The following TBC1D1 variants were observed in gnomAD, a reference collection of about 807,000 sequenced individuals.
The protein encoded by TBC1D1 is TBC1 domain family member 1.
A neutral mutation model predicts 125.6 loss-of-function variants in TBC1D1; 89 were observed. That is an observed-to-expected ratio of 0.71 (90% confidence interval 0.60 to 0.85). The LOEUF (loss-of-function observed/expected upper bound fraction) is 0.85, where lower values mean the gene tolerates loss of function less well. TBC1D1 is among the 40% of genes least tolerant of loss of function. TBC1D1 has a pLI of 0.00. For missense variants in TBC1D1, 1,377 were observed against 1,469.2 expected (o/e 0.94, Z 1.03); for synonymous variants, 565 against 564.1 (o/e 1.00, Z -0.02).
intron 2 of TBC1D1, among the ~76,000 whole-genome samples, chr4:37,929,012 T>C (rs1416849569): frequency 6.6e-6 from 1 of 152,262 alleles, no homozygotes; most frequent in Non-Finnish European, 1.5e-5. Flanking sequence ...GGACTGTTAG[T>C]CTGAGCTAGC....
intron 12 of TBC1D1, among the ~76,000 whole-genome samples, chr4:38,071,693 C>T (rs895765552): frequency 6.6e-6 from 1 of 152,186 alleles, no homozygotes; most frequent in Non-Finnish European, 1.5e-5. Flanking sequence ...CTCTGTAGTC[C>T]TTGGCACACT....
rs1044000975 is a variant in TBC1D1, at chr4:37,964,867, GC to G, written c.418-49640del. Among the ~76,000 whole-genome samples, 17 of 152,294 alleles carry G rather than the reference GC, an allele frequency of 1.1e-4. 3 individuals are homozygous for G. The highest frequency in any genetic ancestry group is 4.1e-4 in the African/African-American group (17 of 41,550). The stretch of plus-strand genomic sequence containing the variant: ...CTCTGTCCCCAGCCTCATGAAAAAG[GC>G]CAAGCTCCTTCCCTGACAGAGCCTG... On this transcript the variant is annotated intron_variant, in intron 2 of 19. Transcript: ENST00000261439.
At chr4:37,897,134 G>A (rs1714814979) in intron 1 of TBC1D1, among the ~76,000 whole-genome samples, 1 of 152,116 alleles carries the variant, frequency 6.6e-6, no homozygotes, top group African/African-American at 2.4e-5. Context: ...CTTAAAGAAT[G>A]GTCAAAGGTT....
chr4:37,892,099 G>A (rs1039291453), intron 1 of TBC1D1, among the ~76,000 whole-genome samples: 1 of 152,080 alleles, frequency 6.6e-6, no homozygotes, highest in Non-Finnish European at 1.5e-5. Flanking sequence ...CATATTAATG[G>A]ATATGTTTTC....
At chr4:38,053,974 C>G (rs1751203273) in intron 11 of TBC1D1, among the ~76,000 whole-genome samples, 1 of 152,226 alleles carries the variant, frequency 6.6e-6, no homozygotes, top group Non-Finnish European at 1.5e-5. Context: ...CAATCGAAAT[C>G]ACTTAAGGGC....
rs1489862644 is a variant in TBC1D1 at position 37,900,129 on chromosome 4, A to C, written c.-93-1874A>C. Among the ~76,000 whole-genome samples, 3 of 142,248 alleles carry C rather than the reference A, an allele frequency of 2.1e-5. No homozygotes were observed. The East Asian group carries it at 6.2e-4, about 29-fold the overall frequency. 93.3% of individuals were successfully genotyped at this position (142,248 alleles called of 152,430 possible). A position where few individuals can be genotyped will look rare whatever the true frequency, so the allele number is the denominator to read the frequency against. On this transcript the variant is annotated intron_variant, in intron 1 of 19. Coordinates refer to ENST00000261439, the MANE Select transcript of TBC1D1 (RefSeq NM_015173.4). ...GAGCGAGGAGCCGTCTCAAAAAAAA[A>C]AGAAAAAAAAAAAAAAGTAAGGAAG... is the stretch of plus-strand genomic sequence containing the variant.
intron 17 of TBC1D1, chr4:38,120,236 G>A (rs1327374187): frequency 1.7e-5 from 9 of 544,464 alleles, no homozygotes; most frequent in Non-Finnish European, 2.1e-5. Context: ...TAAGTGGGTC[G>A]TTGTCCAGCT....
intron 19 of TBC1D1, among the ~76,000 whole-genome samples, chr4:38,135,704 GACAAACTAA>G (rs1207470270): frequency 6.6e-6 from 1 of 152,156 alleles, no homozygotes; most frequent in Admixed American, 6.5e-5. Context: ...CCAGTAGGCT[GACAAACTAA>G]GGCTCTTGGT....
At chr4:37,975,641 C>T (rs1236707537) in intron 2 of TBC1D1, among the ~76,000 whole-genome samples, 1 of 152,208 alleles carries the variant, frequency 6.6e-6, no homozygotes, top group Non-Finnish European at 1.5e-5. Context: ...ACCAAGGAGC[C>T]CTCCTGGTGG....
intron 2 of TBC1D1, among the ~76,000 whole-genome samples, chr4:37,961,401 T>C (rs1026141330): frequency 1.1e-4 from 16 of 152,148 alleles, no homozygotes; most frequent in Admixed American, 3.3e-4. Context: ...GAGAATTTTG[T>C]GGAATGCTAA....
intron 17 of TBC1D1, among the ~76,000 whole-genome samples, chr4:38,121,624 A>G (rs1002229964): frequency 6.6e-6 from 1 of 152,210 alleles, no homozygotes; most frequent in Non-Finnish European, 1.5e-5. Context: ...CGGCTCCAAC[A>G]GTTCACTGTC....
At chr4:38,003,975 A>G (rs1460670337) in intron 2 of TBC1D1, among the ~76,000 whole-genome samples, 1 of 152,062 alleles carries the variant, frequency 6.6e-6, no homozygotes, top group Non-Finnish European at 1.5e-5. Context: ...CTAAACTTTC[A>G]TATTTAATTT....
At chr4:37,961,136 A>C in intron 2 of TBC1D1, 1 of 1,333,866 alleles carries the variant, frequency 7.5e-7, no homozygotes, top group Non-Finnish European at 1.0e-6. Flanking sequence ...AAAGTGGGTC[A>C]TATTCCTCTT....
chr4:38,081,764 T>C (rs1438905062), intron 12 of TBC1D1, among the ~76,000 whole-genome samples: 3 of 152,186 alleles, frequency 2.0e-5, no homozygotes, highest in Non-Finnish European at 4.4e-5. Context: ...CGGTGATTTA[T>C]GAATGAGGAA....
At chr4:38,089,787 C>G in intron 12 of TBC1D1, 145 bp from the exon 15 acceptor site, 3 of 816,896 alleles carry the variant, frequency 3.7e-6, no homozygotes, top group Non-Finnish European at 5.4e-6. Context: ...TGGCTTATGC[C>G]AATGCATATT....
At chr4:38,030,282 G>A (rs1175294243) in intron 7 of TBC1D1, 1 of 152,212 alleles carries the variant, frequency 6.6e-6, no homozygotes, top group Non-Finnish European at 1.5e-5. Flanking sequence ...TCATGGTAAA[G>A]ACACTTTAGA....
chr4:38,097,483 G>T (rs552386102), intron 14 of TBC1D1, among the ~76,000 whole-genome samples: 4 of 152,098 alleles, frequency 2.6e-5, no homozygotes, highest in Non-Finnish European at 5.9e-5. Context: ...GGGACTACAG[G>T]TGCCCGCCAC....
At chr4:37,901,300 A>G (rs374062665) in intron 1 of TBC1D1, among the ~76,000 whole-genome samples, 3 of 151,712 alleles carry the variant, frequency 2.0e-5, no homozygotes, top group African/African-American at 7.3e-5. Flanking sequence ...GGGATTACAG[A>G]CACCTACCAC....
Position 37,902,004 on chromosome 4 carries a change from T to C in TBC1D1, c.-92T>C. 2 of 1,300,548 alleles carry C rather than the reference T, an allele frequency of 1.5e-6. No individual in the cohort carries two copies. Among genetic ancestry groups the C allele is most frequent in the Non-Finnish European group, 2.1e-6 (2 of 950,122 alleles). The allele number at this position is 1,300,548 out of a possible 1,614,324, so 80.6% of individuals were successfully genotyped here. ...AATGCCTCTGGTTTTCTCCCCCAGG[T>C]TTCTGCATATGAAGTGTGTAAAATA... On this transcript the variant is annotated splice_region_variant and 5_prime_UTR_variant, in exon 2 of 20. Coordinates refer to ENST00000261439, the MANE Select transcript of TBC1D1 (RefSeq NM_015173.4).
Sources: allele counts gnomAD v4.1 joint callset (sites outside exome capture counted in the v4.1 genomes callset), GRCh38; gene constraint gnomAD v4.1.1; transcripts MANE v1.5; gene names NCBI Gene and HGNC (gene_info 2026-07-23, HGNC 2026-07-21).